The following SBF2 variants were observed in gnomAD, a reference collection of about 807,000 sequenced individuals.
The protein encoded by SBF2 is SET binding factor 2.
A neutral mutation model predicts 225.2 loss-of-function variants in SBF2; 112 were observed. That is an observed-to-expected ratio of 0.50 (90% CI 0.43 to 0.58). The LOEUF is 0.58. Among genes scored for constraint, SBF2 ranks in the 20% least tolerant of loss-of-function variants. The probability of loss-of-function intolerance (pLI) is 0.00; values close to 1 mark genes in which losing one functional copy is unlikely to be tolerated. For synonymous variants in SBF2, 763 were observed against 773.3 expected (o/e 0.99, Z 0.22); for missense variants, 1,996 against 2,206.2 (o/e 0.90, Z 1.91).
intron 1 of SBF2, among the ~76,000 whole-genome samples, chr11:10,226,379 T>C (rs1357464780): frequency 1.3e-5 from 2 of 151,604 alleles, no homozygotes; most frequent in African/African-American, 4.8e-5. Context: ...GTGCACAACG[T>C]GCAGGTTTGT....
At chr11:10,115,488 C>G (rs1311274669) in intron 2 of SBF2, among the ~76,000 whole-genome samples, 1 of 152,232 alleles carries the variant, frequency 6.6e-6, no homozygotes, top group East Asian at 1.9e-4. Flanking sequence ...TCCAAACCTA[C>G]TGGCTCATGT....
intron 17 of SBF2, among the ~76,000 whole-genome samples, chr11:9,864,440 G>A (rs1427543255): frequency 6.6e-6 from 1 of 152,038 alleles, no homozygotes; most frequent in African/African-American, 2.4e-5. Context: ...AGGCTGGAGT[G>A]TAGTGGCACA....
chr11:9,925,851 T>C (rs963044570), intron 16 of SBF2, among the ~76,000 whole-genome samples: 1 of 152,218 alleles, frequency 6.6e-6, no homozygotes, highest in South Asian at 2.1e-4. Flanking sequence ...TTTAGAATAC[T>C]GTTTAGAAAA....
At chr11:10,256,832 C>T (rs1168951613) in intron 1 of SBF2, among the ~76,000 whole-genome samples, 2 of 152,168 alleles carry the variant, frequency 1.3e-5, no homozygotes, top group African/African-American at 4.8e-5. Flanking sequence ...AATCTTTTCT[C>T]TAAATTGAAA....
chr11:10,292,650 G>T (rs190240233), intron 1 of SBF2, among the ~76,000 whole-genome samples: 94 of 131,984 alleles, frequency 7.1e-4, no homozygotes, highest in African/African-American at 2.6e-3. Context: ...CTGCACTCCA[G>T]CGTGGGCAAC....
At chr11:10,242,842 A>T (rs1269412445) in intron 1 of SBF2, among the ~76,000 whole-genome samples, 3 of 152,220 alleles carry the variant, frequency 2.0e-5, no homozygotes, top group African/African-American at 7.2e-5. Context: ...ATACATAAAG[A>T]TTGACAGATC....
At position 10,136,394 on chromosome 11, in the gene SBF2, G is replaced by A. The variant is rs79135887; in HGVS notation, c.141+57508C>T. Among the ~76,000 whole-genome samples, 13 of 152,236 alleles carry A rather than the reference G, an allele frequency of 8.5e-5. No homozygotes were observed. In the East Asian group the frequency reaches 2.5e-3, roughly 29 times the overall value. Reference sequence around the variant, plus strand: ...AGGATGGGGAGCTGATCACCAGAAAGACCAAGCCATAATTTGAAGCTGGGG... The same window carrying A: ...AGGATGGGGAGCTGATCACCAGAAAAACCAAGCCATAATTTGAAGCTGGGG... On this transcript the variant is annotated intron_variant, in intron 2 of 39. Transcript: ENST00000256190.
At chr11:10,256,345 T>C (rs928937410) in intron 1 of SBF2, among the ~76,000 whole-genome samples, 1 of 152,212 alleles carries the variant, frequency 6.6e-6, no homozygotes, top group African/African-American at 2.4e-5. Context: ...GCTTACTACA[T>C]TCTCTGATAT....
intron 2 of SBF2, among the ~76,000 whole-genome samples, chr11:10,125,544 T>C (rs546296435): frequency 3.5e-4 from 53 of 152,342 alleles, no homozygotes; most frequent in African/African-American, 1.2e-3. Context: ...GTCTGTCATA[T>C]CTTTAACAAC....
chr11:9,787,771 T>A, intron 35 of SBF2, 33 bp from the exon 36 acceptor site: 1 of 1,587,776 alleles, frequency 6.3e-7, no homozygotes, highest in Non-Finnish European at 8.6e-7. Context: ...CTGATCAGTA[T>A]TTCATAGAAA....
At chr11:9,879,907 A>G (rs935176968) in intron 17 of SBF2, among the ~76,000 whole-genome samples, 1 of 151,778 alleles carries the variant, frequency 6.6e-6, no homozygotes, top group Non-Finnish European at 1.5e-5. Flanking sequence ...AATGTGGCAA[A>G]ACTCCGTCTT....
intron 2 of SBF2, among the ~76,000 whole-genome samples, chr11:10,064,599 T>C (rs1950567342): frequency 6.6e-6 from 1 of 152,156 alleles, no homozygotes; most frequent in African/African-American, 2.4e-5. Flanking sequence ...GGGAAACAGA[T>C]ATATTATGCT....
intron 1 of SBF2, among the ~76,000 whole-genome samples, chr11:10,198,967 T>A (rs1212580749): frequency 6.6e-6 from 1 of 152,324 alleles, no homozygotes; most frequent in East Asian, 1.9e-4. Context: ...AGACTCCATA[T>A]CAGTAATAAT....
rs945215422 is a variant in SBF2 at position 9,996,113 on chromosome 11, C to T, written c.976-2115G>A. Among the ~76,000 whole-genome samples the T allele has an allele frequency of 1.4e-4, 21 of 152,190 alleles. No individual in the cohort carries two copies. In the South Asian group the frequency reaches 2.1e-3, roughly 15 times the overall value. On this transcript the variant is annotated intron_variant, in intron 9 of 39. Transcript: ENST00000256190. ...CACGGGTGTTGCAGGTTTAGGTATACGAGTATGCAGCAGAACCCTTACCAG... is the reference window on the plus strand; with the variant it reads ...CACGGGTGTTGCAGGTTTAGGTATATGAGTATGCAGCAGAACCCTTACCAG...
At chr11:10,269,520 G>A (rs1257269576) in intron 1 of SBF2, among the ~76,000 whole-genome samples, 3 of 152,130 alleles carry the variant, frequency 2.0e-5, no homozygotes, top group South Asian at 4.1e-4. Context: ...TCCTTGACCC[G>A]GCAGTTCCAT....
chr11:10,063,356 T>A (rs1190300424), intron 2 of SBF2, among the ~76,000 whole-genome samples: 2 of 124,672 alleles, frequency 1.6e-5, no homozygotes, highest in Admixed American at 9.3e-5. Context: ...TTTTTTAATT[T>A]TTTTATTTTA....
chr11:9,962,969 T>G (rs1247887688), intron 15 of SBF2, among the ~76,000 whole-genome samples: 2 of 152,174 alleles, frequency 1.3e-5, no homozygotes, highest in African/African-American at 4.8e-5. Flanking sequence ...CATTTCTACA[T>G]GCTTTAACCA....
intron 16 of SBF2, among the ~76,000 whole-genome samples, chr11:9,926,228 A>G (rs1864033566): frequency 6.6e-6 from 1 of 152,074 alleles, no homozygotes; most frequent in South Asian, 2.1e-4. Context: ...TTTCGGGTAG[A>G]CTGTATTTGA....
intron 16 of SBF2, among the ~76,000 whole-genome samples, chr11:9,945,778 A>G (rs1865526559): frequency 6.6e-6 from 1 of 152,244 alleles, no homozygotes; most frequent in Non-Finnish European, 1.5e-5. Flanking sequence ...AAAGGACATG[A>G]ACAGACACTT....
Sources: allele counts gnomAD v4.1 joint callset (sites outside exome capture counted in the v4.1 genomes callset), GRCh38; gene constraint gnomAD v4.1.1; transcripts MANE v1.5; gene names NCBI Gene and HGNC (gene_info 2026-07-23, HGNC 2026-07-21).